Variants in ANGPT1 observed in about 807,000 individuals in gnomAD.
ANGPT1 encodes angiopoietin 1.
ANGPT1 carries 17 observed loss-of-function variants against 62.2 expected under a neutral mutation model. The observed-to-expected ratio is 0.27, with a 90% CI of 0.19 to 0.41. The LOEUF is 0.41. ANGPT1 is among the 10% of genes least tolerant of loss of function. The pLI is 1.00. For missense variants in ANGPT1, 478 were observed against 594.9 expected (o/e 0.80, Z 2.04); for synonymous variants, 199 against 198.9 (o/e 1.00, Z 0.00).
At chr8:107,268,171 C>T (rs986602314) in intron 7 of ANGPT1, among the ~76,000 whole-genome samples, 2 of 152,026 alleles carry the variant, frequency 1.3e-5, no homozygotes, top group Non-Finnish European at 2.9e-5. Context: ...AGAAAGGCCT[C>T]AATGTTCATT....
chr8:107,346,136 C>A (rs184745310), intron 2 of ANGPT1, among the ~76,000 whole-genome samples: 1 of 152,244 alleles, frequency 6.6e-6, no homozygotes. Context: ...ACCAATCTAC[C>A]TGTGATGCCA....
At chr8:107,319,214 G>A (rs1273110415) in intron 4 of ANGPT1, among the ~76,000 whole-genome samples, 2 of 152,130 alleles carry the variant, frequency 1.3e-5, no homozygotes, top group African/African-American at 2.4e-5. Flanking sequence ...GAATTCTCCT[G>A]ACTTTATACA....
intron 1 of ANGPT1, among the ~76,000 whole-genome samples, chr8:107,408,606 T>C (rs1352182812): frequency 6.6e-6 from 1 of 152,140 alleles, no homozygotes; most frequent in Non-Finnish European, 1.5e-5. Flanking sequence ...ACTTCAGCAA[T>C]GAAAGATGTT....
chr8:107,381,170 C>CAA (rs1816629666), intron 1 of ANGPT1, among the ~76,000 whole-genome samples: 1 of 152,132 alleles, frequency 6.6e-6, no homozygotes, highest in Admixed American at 6.6e-5. Context: ...CTTCAAATGG[C>CAA]TGTGGTAAAT....
chr8:107,358,179 G>A (rs1816087927), intron 1 of ANGPT1, among the ~76,000 whole-genome samples: 1 of 152,156 alleles, frequency 6.6e-6, no homozygotes, highest in South Asian at 2.1e-4. Context: ...AACTGTCAAT[G>A]TCATTGTATA....
chr8:107,278,697 G>A (rs72672504), intron 7 of ANGPT1, among the ~76,000 whole-genome samples: 24,736 of 152,156 alleles, frequency 0.16, 2,170 homozygotes, highest in Non-Finnish European at 0.19. Flanking sequence ...TTTCTACATT[G>A]TGTATTTCTT....
chr8:107,393,547 C>T (rs891086836), intron 1 of ANGPT1, among the ~76,000 whole-genome samples: 3 of 152,150 alleles, frequency 2.0e-5, no homozygotes, highest in Admixed American at 6.5e-5. Flanking sequence ...CAGCGGCTCA[C>T]GCCTGTAATC....
chr8:107,286,094 G>A (rs1473381325), intron 6 of ANGPT1, among the ~76,000 whole-genome samples: 1 of 152,086 alleles, frequency 6.6e-6, no homozygotes. Context: ...TCTTGTTGTA[G>A]ACAGTACAGT....
At chr8:107,277,677 T>C (rs1813897342) in intron 7 of ANGPT1, among the ~76,000 whole-genome samples, 2 of 152,178 alleles carry the variant, frequency 1.3e-5, no homozygotes, top group African/African-American at 2.4e-5. Flanking sequence ...TGCCTTTGGA[T>C]GTGATAGAAT....
chr8:107,365,534 T>C (rs1449835340), intron 1 of ANGPT1, among the ~76,000 whole-genome samples: 1 of 152,154 alleles, frequency 6.6e-6, no homozygotes, highest in Non-Finnish European at 1.5e-5. Context: ...CACCATGGTA[T>C]TGGGCATGAA....
chr8:107,256,849 T>G (rs1281456501), intron 8 of ANGPT1, among the ~76,000 whole-genome samples: 1 of 148,060 alleles, frequency 6.8e-6, no homozygotes, highest in African/African-American at 2.5e-5. Flanking sequence ...GTTCTGTTTT[T>G]TTTTTTGTTT....
chr8:107,307,625 T>A (rs529000449), intron 4 of ANGPT1, among the ~76,000 whole-genome samples: 1 of 152,088 alleles, frequency 6.6e-6, no homozygotes, highest in Non-Finnish European at 1.5e-5. Flanking sequence ...TCTCCAATTG[T>A]TTTTTCTCTT....
At chr8:107,392,449 A>C (rs1816853918) in intron 1 of ANGPT1, among the ~76,000 whole-genome samples, 1 of 152,278 alleles carries the variant, frequency 6.6e-6, no homozygotes, top group African/African-American at 2.4e-5. Flanking sequence ...AATAAGGATG[A>C]GCTCCTGCTT....
intron 4 of ANGPT1, among the ~76,000 whole-genome samples, chr8:107,311,795 T>C (rs1341248514): frequency 6.6e-6 from 1 of 152,108 alleles, no homozygotes; most frequent in Non-Finnish European, 1.5e-5. Context: ...CTGGGTGCGG[T>C]GGCTCACGCC....
intron 7 of ANGPT1, among the ~76,000 whole-genome samples, chr8:107,281,702 G>A (rs1814008883): frequency 1.3e-5 from 2 of 152,070 alleles, no homozygotes; most frequent in South Asian, 2.1e-4. Context: ...TGCTTGAACC[G>A]GTGAGGCGGA....
At chr8:107,407,434 T>C (rs968850765) in intron 1 of ANGPT1, among the ~76,000 whole-genome samples, 1 of 152,194 alleles carries the variant, frequency 6.6e-6, no homozygotes, top group Admixed American at 6.6e-5. Context: ...TTGTTCATCA[T>C]TGACATGGCT....
At chr8:107,382,455 AGTTACTAT>A (rs1182804766) in intron 1 of ANGPT1, among the ~76,000 whole-genome samples, 2 of 152,090 alleles carry the variant, frequency 1.3e-5, no homozygotes, top group Non-Finnish European at 2.9e-5. Context: ...GCAAATTCCC[AGTTACTAT>A]GTATGTGCTC....
At chr8:107,381,492 G>A (rs933780421) in intron 1 of ANGPT1, among the ~76,000 whole-genome samples, 3 of 152,132 alleles carry the variant, frequency 2.0e-5, no homozygotes, top group African/African-American at 7.2e-5. Flanking sequence ...AGAAGAGTAG[G>A]TGCCCTCGTG....
chr8:107,397,891 A>G (rs1257093718), intron 1 of ANGPT1, among the ~76,000 whole-genome samples: 1 of 152,178 alleles, frequency 6.6e-6, no homozygotes, highest in East Asian at 1.9e-4. Context: ...AAATGCCCTA[A>G]AAAACCTACT....
Sources: gnomAD v4.1 joint callset for allele counts (sites outside exome capture counted in the v4.1 genomes callset) on GRCh38, gnomAD v4.1.1 for gene constraint, MANE v1.5 for transcripts, NCBI Gene and HGNC (gene_info 2026-07-23, HGNC 2026-07-21) for gene names.